CCDC186: variants seen among roughly 807,000 people sequenced by gnomAD.
CCDC186 encodes coiled-coil domain containing 186.
In CCDC186, 49 loss-of-function variants were observed where a neutral mutation model predicts 113.7. The observed-to-expected ratio is 0.43, with a 90% CI of 0.34 to 0.55. The LOEUF (loss-of-function observed/expected upper bound fraction) is 0.55, where lower values mean the gene tolerates loss of function less well. Among genes scored for constraint, CCDC186 ranks in the 20% least tolerant of loss-of-function variants. CCDC186 has a pLI of 0.02. For missense variants in CCDC186, 890 were observed against 1,011.1 expected, an observed-to-expected ratio of 0.88 and a Z score of 1.62; for synonymous variants, 355 against 345.8, an observed-to-expected ratio of 1.03 and a Z score of -0.30.
At chr10:114,156,424 T>G (rs1168337834) in intron 3 of CCDC186, among the ~76,000 whole-genome samples, 1 of 152,208 alleles carries the variant, frequency 6.6e-6, no homozygotes, top group Non-Finnish European at 1.5e-5. Context: ...GAGGAGTTCA[T>G]TTAAAAACTA....
At chr10:114,155,882 T>C (rs554389897) in intron 3 of CCDC186, among the ~76,000 whole-genome samples, 6 of 152,308 alleles carry the variant, frequency 3.9e-5, no homozygotes, top group African/African-American at 1.4e-4. Context: ...ACCTTTGAAG[T>C]GCTCAATAGC....
At chr10:114,156,129 T>G (rs1157937548) in intron 3 of CCDC186, among the ~76,000 whole-genome samples, 1 of 152,222 alleles carries the variant, frequency 6.6e-6, no homozygotes, top group Non-Finnish European at 1.5e-5. Context: ...TTTACCATTC[T>G]AACTCTGGTT....
chr10:114,125,771 TA>T, intron 15 of CCDC186, 114 bp downstream of exon 15: 3 of 759,036 alleles, frequency 4.0e-6, no homozygotes, highest in Non-Finnish European at 6.3e-6. Flanking sequence ...CATCTTTGGG[TA>T]AAATGACTGC....
chr10:114,170,158 C>T (rs373335686), intron 1 of CCDC186, among the ~76,000 whole-genome samples: 12 of 151,938 alleles, frequency 7.9e-5, no homozygotes, highest in African/African-American at 2.7e-4. Flanking sequence ...ATGAAAATAC[C>T]TGACACTTAA....
Position 114,121,437 on chromosome 10 carries a change from T to C in CCDC186, c.*3706A>G, listed in dbSNP as rs1421874962. 1.3e-5 allele frequency: 2 copies of C among 152,318 alleles called. No individual in the cohort carries two copies. The highest frequency in any genetic ancestry group is 2.4e-5 in the African/African-American group (1 of 41,568). The allele number at this position is 152,318 out of a possible 1,614,324, so 9.4% of individuals were successfully genotyped here. A position where few individuals can be genotyped will look rare whatever the true frequency, so the allele number is the denominator to read the frequency against. Reference sequence around the variant, plus strand: ...GTTTAAATTTGCATGTAACAATTTTTAGAAAATAATATACTGCAAAAGAAA... The same window carrying C: ...GTTTAAATTTGCATGTAACAATTTTCAGAAAATAATATACTGCAAAAGAAA... On this transcript the variant is annotated 3_prime_UTR_variant, in exon 16 of 16. Coordinates refer to ENST00000369287, the MANE Select transcript of CCDC186 (RefSeq NM_018017.4).
chr10:114,163,254 G>A lies in CCDC186; in HGVS notation c.15C>T (p.Asp5=). 1 of 1,611,160 alleles carries A rather than the reference G, an allele frequency of 6.2e-7. No homozygotes were observed. The highest frequency in any genetic ancestry group is 8.5e-7 in the Non-Finnish European group (1 of 1,179,918). Residue 5 remains aspartate (D), a synonymous_variant, in exon 2 of 16, where the codon GAC becomes GAT. Transcript: ENST00000369287. MSET[D]HIASTSSDKN... ...TATCAGAGGAAGTAGAGGCTATGTG[G>A]TCTGTCTCTGACATGCTGACTGGCA...
At chr10:114,145,095 C>CTAAGAAAGACATGTTTTTCTG (rs1310343285) in intron 5 of CCDC186, among the ~76,000 whole-genome samples, 3 of 152,014 alleles carry the variant, frequency 2.0e-5, no homozygotes, top group Non-Finnish European at 4.4e-5. Context: ...TAGATAGTAT[C>CTAAGAAAGACATGTTTTTCTG]TAAGAAAGAC....
intron 2 of CCDC186, 45 bp from the exon 3 acceptor site, chr10:114,157,725 G>C (rs755444306): frequency 7.0e-7 from 1 of 1,429,850 alleles, no homozygotes; most frequent in East Asian, 2.3e-5. Context: ...ATTTAAAATG[G>C]AGATAAAATA....
chr10:114,173,082 GA>G (rs2032558349), intron 1 of CCDC186: 11 of 376,524 alleles, frequency 2.9e-5, no homozygotes, highest in East Asian at 7.4e-5. Flanking sequence ...CGTTTTGGAA[GA>G]AAAAAAAGCT....
intron 7 of CCDC186, among the ~76,000 whole-genome samples, chr10:114,136,943 C>G (rs1221986031): frequency 6.6e-6 from 1 of 151,996 alleles, no homozygotes; most frequent in Admixed American, 6.5e-5. Flanking sequence ...ATAGTGAAAC[C>G]CCCTCTCTAC....
Position 114,137,283 on chromosome 10 carries a change from T to C in CCDC186, c.1229A>G (p.Lys410Arg). 6.2e-7 allele frequency: 1 copy of C among 1,613,028 alleles called. No individual in the cohort carries two copies. The highest frequency in any genetic ancestry group is 2.2e-5 in the East Asian group (1 of 44,850). Residue 410 changes from lysine (K) to arginine (R), a missense_variant, in exon 7 of 16, where the codon AAA becomes AGA. Lys to Arg is a conservative substitution (Grantham distance 26). Coordinates refer to ENST00000369287, the MANE Select transcript of CCDC186 (RefSeq NM_018017.4). ...TGTTGTTGTTTCTTTGAGTTTATCT[T>C]TGGTTTCCTGCATTGACAAAAGACA... ...KAEMDSHKETKDKLKETTTKL... is the reference protein window; with the variant it reads ...KAEMDSHKETRDKLKETTTKL...
At position 114,125,205 on chromosome 10, in the gene CCDC186, T is replaced by C. The variant is rs760617086; in HGVS notation, c.2635A>G (p.Thr879Ala). The C allele has an allele frequency of 1.6e-5, 25 of 1,611,094 alleles. No individual in the cohort carries two copies. The highest frequency in any genetic ancestry group is 2.1e-5 in the Non-Finnish European group (25 of 1,178,346). Residue 879 changes from threonine to alanine, a missense_variant, in exon 16 of 16, where the codon ACA (threonine) becomes GCA (alanine). Coordinates refer to ENST00000369287, the MANE Select transcript of CCDC186 (RefSeq NM_018017.4). ...TLKENLQTLG[T>A]EIERLIKHQH... ...TGTTTAATAAGACGTTCTATTTCTG[T>C]TCCAAGTGTTTGTAGATTTTCCTTT...
At chr10:114,172,284 G>C (rs528415438) in intron 1 of CCDC186, among the ~76,000 whole-genome samples, 1 of 152,262 alleles carries the variant, frequency 6.6e-6, no homozygotes, top group African/African-American at 2.4e-5. Context: ...TCAACCTACT[G>C]TCTCTTCCTG....
intron 3 of CCDC186, among the ~76,000 whole-genome samples, chr10:114,156,827 C>A (rs2032025181): frequency 6.6e-6 from 1 of 152,128 alleles, no homozygotes; most frequent in Non-Finnish European, 1.5e-5. Context: ...CCAGCCTTCA[C>A]AATATAGTTT....
At chr10:114,147,823 A>G (rs1445553098) in intron 4 of CCDC186, among the ~76,000 whole-genome samples, 1 of 152,136 alleles carries the variant, frequency 6.6e-6, no homozygotes, top group Non-Finnish European at 1.5e-5. Context: ...TGTAATAGAC[A>G]AGGTGAAATA....
chr10:114,154,767 A>C (rs1174440291), intron 3 of CCDC186, among the ~76,000 whole-genome samples: 7 of 152,228 alleles, frequency 4.6e-5, no homozygotes, highest in African/African-American at 1.7e-4. Context: ...TAGCACGTGA[A>C]TGTTCACAGT....
intron 3 of CCDC186, among the ~76,000 whole-genome samples, chr10:114,153,309 GAAATTCAC>G (rs751194855): frequency 5.9e-5 from 9 of 152,054 alleles, no homozygotes; most frequent in Non-Finnish European, 1.2e-4. Context: ...AGAAATATGG[GAAATTCAC>G]AAATTTGTGA....
chr10:114,145,633 T>C lies in CCDC186; in HGVS notation c.1017A>G (p.Ala339=). The C allele has an allele frequency of 1.2e-6, 2 of 1,613,546 alleles. No homozygotes were observed. The highest frequency in any genetic ancestry group is 1.7e-6 in the Non-Finnish European group (2 of 1,179,914). The change falls in exon 5 of 16, where the codon GCA becomes GCG. Residue 339 remains alanine, a synonymous_variant. Transcript: ENST00000369287. ...TAGTGTTTTTCTCAAGTTCCTTATT[T>C]GCATCTCTAAGTTTTTTCTCAAGTG... ...KETLEKKLRD[A]NKELEKNTNK...
At chr10:114,150,437 T>C (rs899025320) in intron 4 of CCDC186, among the ~76,000 whole-genome samples, 3 of 152,178 alleles carry the variant, frequency 2.0e-5, no homozygotes, top group African/African-American at 7.2e-5. Context: ...GAAAAAAGTA[T>C]ATGACCATGT....
Sources: gnomAD v4.1 joint callset for allele counts (sites outside exome capture counted in the v4.1 genomes callset) on GRCh38, gnomAD v4.1.1 for gene constraint, MANE v1.5 for transcripts, NCBI Gene and HGNC (gene_info 2026-07-23, HGNC 2026-07-21) for gene names.